Variants in LRP3 observed in about 807,000 individuals in gnomAD.
The protein encoded by LRP3 is LDL receptor related protein 3, also known as low-density lipoprotein receptor-related protein 3.
LRP3 carries 49 observed loss-of-function variants against 58.5 expected under a neutral mutation model. That is an observed-to-expected ratio of 0.84 (90% confidence interval 0.67 to 1.06). The LOEUF is 1.06. LRP3 is among the 50% of genes least tolerant of loss of function. LRP3 has a pLI of 0.00. For missense variants in LRP3, 1,019 were observed against 1,134.2 expected (o/e 0.90, Z 1.46); for synonymous variants, 485 against 492.2 (o/e 0.99, Z 0.20).
chr19:33,203,644 G>C (rs1161378254), intron 3 of LRP3, among the ~76,000 whole-genome samples: 1 of 152,210 alleles, frequency 6.6e-6, no homozygotes, highest in Non-Finnish European at 1.5e-5. Context: ...CGTTCATGGG[G>C]TGTGGGGGGT....
At chr19:33,202,757 G>C (rs1568382031) in intron 2 of LRP3, 91 bp from the exon 3 acceptor site, 2 of 1,411,326 alleles carry the variant, frequency 1.4e-6, no homozygotes, top group Admixed American at 2.2e-5. Flanking sequence ...CCCACCATGG[G>C]GGAGGCCTGT....
At chr19:33,201,575 G>C (rs1228949194) in intron 2 of LRP3, among the ~76,000 whole-genome samples, 2 of 152,174 alleles carry the variant, frequency 1.3e-5, no homozygotes, top group Admixed American at 6.5e-5. Flanking sequence ...GAACCAGAGA[G>C]AACTTGGCTT....
chr19:33,201,173 T>C (rs1342346586), intron 2 of LRP3, among the ~76,000 whole-genome samples: 1 of 152,140 alleles, frequency 6.6e-6, no homozygotes, highest in East Asian at 1.9e-4. Flanking sequence ...GTGATGTTCA[T>C]CCATCAGTCC....
Position 33,206,261 on chromosome 19 carries a change from C to G in LRP3, c.1491C>G (p.Val497=). The G allele has an allele frequency of 6.3e-7, 1 of 1,598,664 alleles. No homozygotes were observed. Among genetic ancestry groups the G allele is most frequent in the Non-Finnish European group, 8.5e-7 (1 of 1,172,662 alleles). ...GCCTGGCCGCCGTGCCCCGCAAGGT[C>G]ATCACGGCGGCGCTCATTGGCAGCC... The part of the protein sequence containing the change: ...HGCLAAVPRK[V]ITAALIGSLV... Residue 497 remains valine, a synonymous_variant, in exon 5 of 7, where the codon GTC becomes GTG. Transcript: ENST00000253193.
intron 3 of LRP3, 91 bp downstream of exon 3, chr19:33,203,077 G>T: frequency 6.9e-7 from 1 of 1,438,938 alleles, no homozygotes; most frequent in Non-Finnish European, 9.5e-7. Context: ...GGTGTGGAGG[G>T]CACACGCCTG....
intron 2 of LRP3, among the ~76,000 whole-genome samples, chr19:33,199,879 G>A (rs2145450240): frequency 6.6e-6 from 1 of 152,346 alleles, no homozygotes; most frequent in East Asian, 1.9e-4. Context: ...GCTTTTCCCA[G>A]AAAGCGTGGG....
chr19:33,207,830 C>T lies in LRP3; in HGVS notation c.*255C>T. On this transcript the variant is annotated 3_prime_UTR_variant, in exon 7 of 7. Coordinates refer to ENST00000253193, the MANE Select transcript of LRP3 (RefSeq NM_002333.4). ...AAGCACCCTGGGGTCTCACTTCTCTCCCCCCACTCCATTCTGGGAACCCAT... is the reference window on the plus strand; with the variant it reads ...AAGCACCCTGGGGTCTCACTTCTCTTCCCCCACTCCATTCTGGGAACCCAT... The T allele has an allele frequency of 1.9e-6, 1 of 529,616 alleles. No individual in the cohort carries two copies. The highest frequency in any genetic ancestry group is 2.0e-5 in the African/African-American group (1 of 50,890). The allele number at this position is 529,616 out of a possible 1,614,324, so 32.8% of individuals were successfully genotyped here. A position where few individuals can be genotyped will look rare whatever the true frequency, so the allele number is the denominator to read the frequency against.
rs1004189860 is a variant in LRP3, at chr19:33,194,566, A to T, written c.-220A>T. ...CGCAGGGCCCGTGACGCCGCGGCCG[A>T]TGTGGCCGCGCGCGCCCTACGGGCC... On this transcript the variant is annotated 5_prime_UTR_variant, in exon 1 of 7. The change abolishes an upstream ATG in the 5' untranslated region. Coordinates refer to ENST00000253193, the MANE Select transcript of LRP3 (RefSeq NM_002333.4). The T allele has an allele frequency of 6.8e-6, 1 of 146,042 alleles. No individual in the cohort carries two copies. The highest frequency in any genetic ancestry group is 2.5e-5 in the African/African-American group (1 of 40,182). 9.0% of individuals were successfully genotyped at this position (146,042 alleles called of 1,614,324 possible). A position where few individuals can be genotyped will look rare whatever the true frequency, so the allele number is the denominator to read the frequency against.
chr19:33,208,838 C>T lies in LRP3; in HGVS notation c.*1263C>T, dbSNP rs940338072. 2.2e-5 allele frequency: 35 copies of T among 1,612,578 alleles called. No individual in the cohort carries two copies. The highest frequency in any genetic ancestry group is 2.6e-5 in the Non-Finnish European group (31 of 1,179,280). On this transcript the variant is annotated 3_prime_UTR_variant, in exon 7 of 7. Transcript: ENST00000253193. The surrounding 1 kb of genome is among the most constrained non-coding windows in gnomAD (Gnocchi z 4.7). ...ACAAAACTTTTTTGCCAAAACACCT[C>T]CTCAATAAACAACATGTAAACAGAA... is the stretch of plus-strand genomic sequence containing the variant.
Position 33,208,603 on chromosome 19 carries a change from C to T in LRP3, c.*1028C>T, listed in dbSNP as rs1974458373. The T allele has an allele frequency of 1.0e-5, 5 of 485,734 alleles. No individual in the cohort carries two copies. The highest frequency in any genetic ancestry group is 6.3e-5 in the South Asian group (3 of 47,610). 30.1% of individuals were successfully genotyped at this position (485,734 alleles called of 1,614,324 possible). A position where few individuals can be genotyped will look rare whatever the true frequency, so the allele number is the denominator to read the frequency against. On this transcript the variant is annotated 3_prime_UTR_variant, in exon 7 of 7. Coordinates refer to ENST00000253193, the MANE Select transcript of LRP3 (RefSeq NM_002333.4). The surrounding 1 kb of genome is among the most constrained non-coding windows in gnomAD (Gnocchi z 4.7). ...TCCTGGCCAGCAACATGTGTGCACC[C>T]ACCGAGGTACGCCCCAGCCACTCCC...
chr19:33,194,646 A>G lies in LRP3; in HGVS notation c.-140A>G. 5.8e-6 allele frequency: 1 copy of G among 172,872 alleles called. No homozygotes were observed. The highest frequency in any genetic ancestry group is 1.1e-5 in the Non-Finnish European group (1 of 88,482). The allele number at this position is 172,872 out of a possible 1,614,324, so 10.7% of individuals were successfully genotyped here. A position where few individuals can be genotyped will look rare whatever the true frequency, so the allele number is the denominator to read the frequency against. On this transcript the variant is annotated 5_prime_UTR_variant, in exon 1 of 7. Coordinates refer to ENST00000253193, the MANE Select transcript of LRP3 (RefSeq NM_002333.4). ...GAGCCGCCGCCTGCACCCGGGCCGC[A>G]GCAGCCACGCCAGCCGGAGCCCGAG...
chr19:33,205,186 C>A, intron 4 of LRP3, 60 bp from the exon 5 acceptor site: 1 of 1,552,296 alleles, frequency 6.4e-7, no homozygotes, highest in Non-Finnish European at 8.7e-7. Flanking sequence ...CCCAGGCCCC[C>A]TGGCCGAAGG....
Position 33,207,380 on chromosome 19 carries a change from A to G in LRP3, c.2118A>G (p.Pro706=). Residue 706 remains proline (P), a synonymous_variant, in exon 7 of 7, where the codon CCA becomes CCG. Coordinates refer to ENST00000253193, the MANE Select transcript of LRP3 (RefSeq NM_002333.4). The stretch of plus-strand genomic sequence containing the variant: ...AGGACAGAAAGGTCTGCAGGGAGCC[A>G]CTGGTAGACGGCCCAGCTCCTGCAG... ...VDKDRKVCRE[P]LVDGPAPADA... 1 of 1,586,856 alleles carries G rather than the reference A, an allele frequency of 6.3e-7. No homozygotes were observed. Among genetic ancestry groups the G allele is most frequent in the Non-Finnish European group, 8.5e-7 (1 of 1,172,276 alleles).
chr19:33,205,578 C>G lies in LRP3; in HGVS notation c.808C>G (p.Leu270Val). The change falls in exon 5 of 7, where the codon CTG becomes GTG. Residue 270 changes from leucine to valine, a missense_variant. Leu to Val is a conservative substitution (Grantham distance 32, BLOSUM62 1). This residue lies in a region of LRP3 where 592 missense variants were observed against 725.5 expected (regional missense o/e 0.82). Coordinates refer to ENST00000253193, the MANE Select transcript of LRP3 (RefSeq NM_002333.4). ...CTACGGCTCCTTTGCCTCCCCAGAC[C>G]TGTTCGGCGCCGCTCGCGGGCCCTC... ...SFYGSFASPD[L>V]FGAARGPSDL... is the part of the protein sequence containing the mutation. 6.2e-7 allele frequency: 1 copy of G among 1,608,940 alleles called. No homozygotes were observed. The highest frequency in any genetic ancestry group is 2.2e-5 in the East Asian group (1 of 44,824).
At chr19:33,199,280 CCCTACCACATG>C (rs1394187352) in intron 2 of LRP3, among the ~76,000 whole-genome samples, 1 of 152,152 alleles carries the variant, frequency 6.6e-6, no homozygotes, top group Non-Finnish European at 1.5e-5. Flanking sequence ...TGACCCTGTG[CCCTACCACATG>C]CACGTCTGCC....
intron 6 of LRP3, 117 bp downstream of exon 6, chr19:33,206,850 C>A: frequency 7.8e-7 from 1 of 1,283,304 alleles, no homozygotes; most frequent in South Asian, 1.5e-5. Flanking sequence ...ACCTGAGGGC[C>A]CATGGCCAGG....
At position 33,206,043 on chromosome 19, in the gene LRP3, G is replaced by C. The variant is rs1409657071; in HGVS notation, c.1273G>C (p.Gly425Arg). 1.3e-6 allele frequency: 2 copies of C among 1,598,214 alleles called. No homozygotes were observed. The highest frequency in any genetic ancestry group is 4.5e-5 in the East Asian group (2 of 44,098). The change falls in exon 5 of 7, where the codon GGT becomes CGT. Residue 425 changes from glycine to arginine, a missense_variant. Gly to Arg is a moderately radical substitution (Grantham distance 125, BLOSUM62 -2). Transcript: ENST00000253193. ...CCCGCCCGACCAGTACCCCTGCGAGGGTGGCAGTGGTCTGTGCTACACGCC... is the reference window on the plus strand; with the variant it reads ...CCCGCCCGACCAGTACCCCTGCGAGCGTGGCAGTGGTCTGTGCTACACGCC... ...ACPPDQYPCE[G>R]GSGLCYTPAD...
At position 33,206,723 on chromosome 19, in the gene LRP3, G is replaced by T. The variant is rs1228345821; in HGVS notation, c.1715G>T (p.Ser572Ile). The change falls in exon 6 of 7, where the codon AGT becomes ATT. Residue 572 changes from serine to isoleucine, a missense_variant. Ser to Ile is a moderately radical substitution (Grantham distance 142, BLOSUM62 -2). Transcript: ENST00000253193. ...IPPVEDFPVY[S>I]ASQASVLQNL... ...CCCGTGGAGGACTTTCCTGTCTACA[G>T]TGCGTCCCAGGTGAGCCCCCGGAGG... The T allele has an allele frequency of 6.6e-7, 1 of 1,524,208 alleles. No homozygotes were observed. Among genetic ancestry groups the T allele is most frequent in the African/African-American group, 1.4e-5 (1 of 71,850 alleles). 94.4% of individuals were successfully genotyped at this position (1,524,208 alleles called of 1,614,324 possible). A position where few individuals can be genotyped will look rare whatever the true frequency, so the allele number is the denominator to read the frequency against.
Position 33,207,222 on chromosome 19 carries a change from C to T in LRP3, c.1960C>T (p.Leu654Phe), listed in dbSNP as rs768236199. 10 of 1,561,998 alleles carry T rather than the reference C, an allele frequency of 6.4e-6. No individual in the cohort carries two copies. Among genetic ancestry groups the T allele is most frequent in the Non-Finnish European group, 8.6e-6 (10 of 1,160,032 alleles). The change falls in exon 7 of 7, where the codon CTC becomes TTC. Residue 654 changes from leucine to phenylalanine, a missense_variant. This residue lies in a region of LRP3 where 427 missense variants were observed against 408.6 expected (regional missense o/e 1.04). Coordinates refer to ENST00000253193, the MANE Select transcript of LRP3 (RefSeq NM_002333.4). ...PGAAPDPPAP[L>F]MDTGSTRAAG... ...GGCTGCCCCCGACCCCCCAGCACCG[C>T]TCATGGACACAGGCAGCACCAGGGC...
Sources: allele counts gnomAD v4.1 joint callset (sites outside exome capture counted in the v4.1 genomes callset), GRCh38; gene constraint gnomAD v4.1.1; regional missense constraint gnomAD v4.1.1; non-coding constraint Gnocchi (gnomAD v3.1); transcripts MANE v1.5; gene names NCBI Gene and HGNC (gene_info 2026-07-23, HGNC 2026-07-21).